The following SRRT variants were observed in gnomAD, a reference collection of about 807,000 sequenced individuals.
SRRT encodes the protein serrate, RNA effector molecule, also known as serrate RNA effector molecule homolog.
In SRRT, 32 loss-of-function variants were observed where a neutral mutation model predicts 103.2. The ratio of observed to expected loss-of-function variants is 0.31; its 90% CI spans 0.23 to 0.42. The LOEUF (loss-of-function observed/expected upper bound fraction) is 0.42, where lower values mean the gene tolerates loss of function less well. Among genes scored for constraint, SRRT ranks in the 10% least tolerant of loss-of-function variants. The probability of loss-of-function intolerance (pLI) is 1.00; values close to 1 mark genes in which losing one functional copy is unlikely to be tolerated. For synonymous variants in SRRT, 525 were observed against 449.0 expected, an observed-to-expected ratio of 1.17 and a Z score of -2.14; for missense variants, 986 against 1,207.5, an observed-to-expected ratio of 0.82 and a Z score of 2.72.
chr7:100,885,173 A>G lies in SRRT; in HGVS notation c.1160-40A>G. Reference sequence around the variant, plus strand: ...TATCCTCCCCACCACAATCAGTAATAAAAATGCACCAACTCCTTCCTACCC... The same window carrying G: ...TATCCTCCCCACCACAATCAGTAATGAAAATGCACCAACTCCTTCCTACCC... On this transcript the variant is annotated intron_variant, in intron 9 of 19. Coordinates refer to ENST00000611405, the MANE Select transcript of SRRT (RefSeq NM_015908.6). The surrounding 1 kb of genome is among the most constrained non-coding windows in gnomAD (Gnocchi z 4.8). 2 of 1,606,170 alleles carry G rather than the reference A, an allele frequency of 1.2e-6. No homozygotes were observed. The highest frequency in any genetic ancestry group is 1.7e-6 in the Non-Finnish European group (2 of 1,175,362).
At position 100,887,052 on chromosome 7, in the gene SRRT, G is replaced by A. The variant is rs1790199802; in HGVS notation, c.1827G>A (p.Leu609=). 1 of 1,614,056 alleles carries A rather than the reference G, an allele frequency of 6.2e-7. No homozygotes were observed. Among genetic ancestry groups the A allele is most frequent in the Non-Finnish European group, 8.5e-7 (1 of 1,180,028 alleles). ...CTCGCATTCACTTCCCTTAGGTCTTGGACAAGCTCCTCCTTTACCTGCGCA... is the reference window on the plus strand; with the variant it reads ...CTCGCATTCACTTCCCTTAGGTCTTAGACAAGCTCCTCCTTTACCTGCGCA... ...VERDEKLIKV[L]DKLLLYLRIV... Residue 609 remains leucine (L), a synonymous_variant, in exon 15 of 20, where the codon TTG becomes TTA. Coordinates refer to ENST00000611405, the MANE Select transcript of SRRT (RefSeq NM_015908.6). The surrounding 1 kb of genome is among the most constrained non-coding windows in gnomAD (Gnocchi z 4.1).
chr7:100,880,836 G>A (rs529481763), intron 2 of SRRT: 2 of 307,172 alleles, frequency 6.5e-6, no homozygotes, highest in East Asian at 1.0e-4. Flanking sequence ...CAGGCTGGGA[G>A]AAGAGTTGGA....
chr7:100,886,301 C>G lies in SRRT; in HGVS notation c.1513C>G (p.Arg505Gly). 1 of 1,613,472 alleles carries G rather than the reference C, an allele frequency of 6.2e-7. No homozygotes were observed. Among genetic ancestry groups the G allele is most frequent in the Non-Finnish European group, 8.5e-7 (1 of 1,180,006 alleles). The part of the protein sequence containing the change: ...GVNRDLTRRV[R>G]NINGITQHKQ... ...GAACAGGGACCTGACCCGGCGCGTT[C>G]GCAACATCAACGGCATCACCCAGCA... The change falls in exon 13 of 20, where the codon CGC (arginine) becomes GGC (glycine). Residue 505 changes from arginine to glycine, a missense_variant. By Grantham distance (125) the Arg-to-Gly change is moderately radical. This residue lies in a region of SRRT where 349 missense variants were observed against 446.9 expected (regional missense o/e 0.78). Coordinates refer to ENST00000611405, the MANE Select transcript of SRRT (RefSeq NM_015908.6).
Position 100,885,198 on chromosome 7 carries a change from C to T in SRRT, c.1160-15C>T. ...AAAAATGCACCAACTCCTTCCTACC[C>T]CCCTTCCTGCCTAGAAGAAGCGCTC... is the stretch of plus-strand genomic sequence containing the variant. On this transcript the variant is annotated splice_polypyrimidine_tract_variant and intron_variant, in intron 9 of 19. Coordinates refer to ENST00000611405, the MANE Select transcript of SRRT (RefSeq NM_015908.6). This position sits in a 1 kb window ranked among gnomAD's most constrained non-coding sequence, Gnocchi z 4.8. The T allele has an allele frequency of 6.2e-7, 1 of 1,611,268 alleles. No homozygotes were observed.
At chr7:100,878,164 T>G (rs555880979) in intron 2 of SRRT, among the ~76,000 whole-genome samples, 7 of 151,962 alleles carry the variant, frequency 4.6e-5, no homozygotes, top group South Asian at 2.1e-4. Context: ...ATACAAAAAT[T>G]AGCTGGGGGT....
rs1490800931 is a variant in SRRT at position 100,881,096 on chromosome 7, T to C, written c.123-189T>C. On this transcript the variant is annotated intron_variant, in intron 2 of 19. Coordinates refer to ENST00000611405, the MANE Select transcript of SRRT (RefSeq NM_015908.6). ...TATCCAGCTGTATCTTTAATTATTG[T>C]TACCTTTTTAAAAAATAAAAAATTT... 2.0e-5 allele frequency among the ~76,000 whole-genome samples: 3 copies of C among 148,418 alleles called. No individual in the cohort carries two copies. The Admixed American group carries it at 2.0e-4, about 10-fold the overall frequency.
Position 100,888,389 on chromosome 7 carries a change from G to A in SRRT, c.2555+6G>A. The stretch of plus-strand genomic sequence containing the variant: ...CCTGGGAAACCTCGCAACAGGTGAG[G>A]AGGGCAGACGCCCAAGCTTTGTTGC... On this transcript the variant is annotated splice_donor_region_variant and intron_variant, in intron 19 of 19. Transcript: ENST00000611405. 1 of 1,613,682 alleles carries A rather than the reference G, an allele frequency of 6.2e-7. No homozygotes were observed. Among genetic ancestry groups the A allele is most frequent in the Non-Finnish European group, 8.5e-7 (1 of 1,179,736 alleles).
chr7:100,886,119 G>A, intron 12 of SRRT, 128 bp from the exon 13 acceptor site: 1 of 1,249,778 alleles, frequency 8.0e-7, no homozygotes, highest in African/African-American at 1.5e-5. Context: ...GAACCTATGT[G>A]GTCCCCGTCC....
chr7:100,884,441 A>T lies in SRRT; in HGVS notation c.831A>T (p.Ala277=). Residue 277 remains alanine, a synonymous_variant, in exon 7 of 20, where the codon GCA becomes GCT. Transcript: ENST00000611405. ...AGCAGGAGGAGGAGGAGGAGCAGGCAGGAAAGCCTGGGGAGCCCAGCAAGA... is the reference window on the plus strand; with the variant it reads ...AGCAGGAGGAGGAGGAGGAGCAGGCTGGAAAGCCTGGGGAGCCCAGCAAGA... ...ILEQEEEEEQ[A]GKPGEPSKKE... is the part of the protein sequence containing the mutation. 2 of 1,613,586 alleles carry T rather than the reference A, an allele frequency of 1.2e-6. No individual in the cohort carries two copies. The highest frequency in any genetic ancestry group is 1.7e-6 in the Non-Finnish European group (2 of 1,179,668).
chr7:100,884,345 A>G (rs1466190037), intron 6 of SRRT, 23 bp from the exon 7 acceptor site: 1 of 1,612,046 alleles, frequency 6.2e-7, no homozygotes, highest in African/African-American at 1.3e-5. Flanking sequence ...TGGGGTCATG[A>G]CCTCTGTTCC....
intron 2 of SRRT, among the ~76,000 whole-genome samples, chr7:100,880,511 TAGCC>T (rs1359300895): frequency 6.6e-6 from 1 of 152,150 alleles, no homozygotes; most frequent in Non-Finnish European, 1.5e-5. Context: ...TTCACCATGT[TAGCC>T]AGGATGGTCT....
rs752858330 is a variant in SRRT at position 100,882,042 on chromosome 7, G to T, written c.399-11G>T. 3.7e-6 allele frequency: 6 copies of T among 1,608,066 alleles called. No individual in the cohort carries two copies. The highest frequency in any genetic ancestry group is 2.2e-5 in the South Asian group (2 of 90,712). On this transcript the variant is annotated splice_polypyrimidine_tract_variant and intron_variant, in intron 4 of 19. Transcript: ENST00000611405. This position sits in a 1 kb window ranked among gnomAD's most constrained non-coding sequence, Gnocchi z 4.2. ...CAAAAACCAAGCCTTCCTGACCGGGGTCCCCTCCAGGCTGGGCAGCATTGC... is the reference window on the plus strand; with the variant it reads ...CAAAAACCAAGCCTTCCTGACCGGGTTCCCCTCCAGGCTGGGCAGCATTGC...
At chr7:100,878,631 T>C (rs1035529820) in intron 2 of SRRT, among the ~76,000 whole-genome samples, 1 of 151,354 alleles carries the variant, frequency 6.6e-6, no homozygotes, top group Non-Finnish European at 1.5e-5. Flanking sequence ...TTGGGTAGTA[T>C]CCAAAATGAA....
chr7:100,875,428 G>T, intron 1 of SRRT, 100 bp downstream of exon 1: 2 of 1,465,260 alleles, frequency 1.4e-6, no homozygotes, highest in African/African-American at 2.8e-5. Context: ...TGGAGGTGTT[G>T]GAGCCGCGTT....
chr7:100,885,571 T>C lies in SRRT; in HGVS notation c.1318-130T>C. 1 of 1,189,428 alleles carries C rather than the reference T, an allele frequency of 8.4e-7. No homozygotes were observed. Among genetic ancestry groups the C allele is most frequent in the Non-Finnish European group, 1.2e-6 (1 of 830,662 alleles). 73.7% of individuals were successfully genotyped at this position (1,189,428 alleles called of 1,614,324 possible). ...TGGTGTTCTGAAGCCCTTTAGTGGT[T>C]TTTCCCTGCCCAAGGATGGGAAGAG... On this transcript the variant is annotated intron_variant, in intron 10 of 19. Transcript: ENST00000611405. This position sits in a 1 kb window ranked among gnomAD's most constrained non-coding sequence, Gnocchi z 4.8.
At chr7:100,875,736 T>G in intron 2 of SRRT, 24 bp downstream of exon 2, 22 of 1,612,312 alleles carry the variant, frequency 1.4e-5, no homozygotes, top group Non-Finnish European at 1.9e-5. Context: ...AACTTCATCT[T>G]GTCCCCGTTT....
intron 2 of SRRT, among the ~76,000 whole-genome samples, chr7:100,878,245 G>A (rs1815940142): frequency 6.6e-6 from 1 of 151,976 alleles, no homozygotes; most frequent in Non-Finnish European, 1.5e-5. Flanking sequence ...CTGGGAGGTG[G>A]AGGTGGGAGT....
In SRRT at chr7:100,882,321, T is replaced by C; in HGVS notation, c.587+80T>C. ...TGGTGGAGCCACAGCCCTGTCCTCTTCCCAGTTTTCCCTGTCCAGAACTTT... is the reference window on the plus strand; with the variant it reads ...TGGTGGAGCCACAGCCCTGTCCTCTCCCCAGTTTTCCCTGTCCAGAACTTT... On this transcript the variant is annotated intron_variant, in intron 5 of 19. Coordinates refer to ENST00000611405, the MANE Select transcript of SRRT (RefSeq NM_015908.6). This position sits in a 1 kb window ranked among gnomAD's most constrained non-coding sequence, Gnocchi z 4.2. The C allele has an allele frequency of 6.8e-7, 1 of 1,479,382 alleles. No homozygotes were observed. Among genetic ancestry groups the C allele is most frequent in the Non-Finnish European group, 9.2e-7 (1 of 1,091,442 alleles). 91.6% of individuals were successfully genotyped at this position (1,479,382 alleles called of 1,614,324 possible).
Position 100,887,102 on chromosome 7 carries a change from A to G in SRRT, c.1877A>G (p.Asn626Ser). 6.2e-7 allele frequency: 1 copy of G among 1,614,124 alleles called. No individual in the cohort carries two copies. Among genetic ancestry groups the G allele is most frequent in the Non-Finnish European group, 8.5e-7 (1 of 1,180,022 alleles). The change falls in exon 15 of 20, where the codon AAC (asparagine) becomes AGC (serine). Residue 626 changes from asparagine (N) to serine (S), a missense_variant. By Grantham distance (46) the Asn-to-Ser change is conservative (BLOSUM62 1). Transcript: ENST00000611405. The surrounding 1 kb of genome is among the most constrained non-coding windows in gnomAD (Gnocchi z 4.1). The part of the protein sequence containing the change: ...LRIVHSLDYY[N>S]TCEYPNEDEM... ...ATCGTGCATTCCTTGGATTATTACA[A>G]CACCTGTGAGTACCCCAACGAGGAC... is the stretch of plus-strand genomic sequence containing the variant.
Sources: gnomAD v4.1 joint callset for allele counts (sites outside exome capture counted in the v4.1 genomes callset) on GRCh38, gnomAD v4.1.1 for gene constraint, gnomAD v4.1.1 regional missense constraint, Gnocchi (gnomAD v3.1) non-coding constraint, MANE v1.5 for transcripts, NCBI Gene and HGNC (gene_info 2026-07-23, HGNC 2026-07-21) for gene names.